The following ZNF423 variants were observed in gnomAD, a reference collection of about 807,000 sequenced individuals.
ZNF423 encodes the protein zinc finger protein 423.
Under a neutral mutation model 95.8 loss-of-function variants are expected in ZNF423, and 12 were observed. The observed-to-expected ratio is 0.13, with a 90% CI of 0.08 to 0.20. The LOEUF (loss-of-function observed/expected upper bound fraction) is 0.20. Among genes scored for constraint, ZNF423 ranks in the 10% least tolerant of loss-of-function variants. The pLI is 1.00. For synonymous variants in ZNF423, 749 were observed against 711.9 expected (o/e 1.05, Z -0.83); for missense variants, 1,316 against 1,737.1 (o/e 0.76, Z 4.31).
intron 1 of ZNF423, chr16:49,854,832 G>A: frequency 2.0e-6 from 2 of 985,398 alleles, no homozygotes; most frequent in Non-Finnish European, 1.2e-6. Flanking sequence ...AGGGATGGGT[G>A]TGTGTATCTA....
rs115096208 is a variant in ZNF423 at position 49,638,922 on chromosome 16, C to T, written c.302-48G>A. The T allele has an allele frequency of 4.4e-4, 677 of 1,543,822 alleles. 2 individuals carry two copies. In the African/African-American group the frequency reaches 7.4e-3, roughly 17 times the overall value. On this transcript the variant is annotated intron_variant, in intron 3 of 7. Transcript: ENST00000563137. The surrounding 1 kb of genome is among the most constrained non-coding windows in gnomAD (Gnocchi z 5.6). Reference sequence around the variant, plus strand: ...TATTAGAGGCAATTCCCAGGGCTGCCGAGAAACAAGGACAGAGCCAGCTTC... The same window carrying T: ...TATTAGAGGCAATTCCCAGGGCTGCTGAGAAACAAGGACAGAGCCAGCTTC...
intron 1 of ZNF423, among the ~76,000 whole-genome samples, chr16:49,838,596 C>G (rs1338893471): frequency 6.6e-6 from 1 of 152,086 alleles, no homozygotes; most frequent in African/African-American, 2.4e-5. Flanking sequence ...ATCTGGCTGG[C>G]GGGCCCGCAG....
At chr16:49,849,015 C>T (rs1229626181) in intron 1 of ZNF423, among the ~76,000 whole-genome samples, 1 of 152,154 alleles carries the variant, frequency 6.6e-6, no homozygotes, top group Non-Finnish European at 1.5e-5. Flanking sequence ...AAAATATCCA[C>T]CTGAACCATA....
At chr16:49,682,864 G>A (rs896698575) in intron 3 of ZNF423, among the ~76,000 whole-genome samples, 6 of 152,138 alleles carry the variant, frequency 3.9e-5, no homozygotes, top group East Asian at 3.9e-4. Flanking sequence ...GTGTATTGGC[G>A]GCTCTGAGTG....
At chr16:49,705,348 G>A (rs762987845) in intron 3 of ZNF423, among the ~76,000 whole-genome samples, 1 of 152,128 alleles carries the variant, frequency 6.6e-6, no homozygotes, top group Non-Finnish European at 1.5e-5. Context: ...GTATAAAGCC[G>A]ATTAAAAGGA....
chr16:49,774,085 C>T (rs575273950), intron 2 of ZNF423, among the ~76,000 whole-genome samples: 2 of 152,312 alleles, frequency 1.3e-5, no homozygotes, highest in South Asian at 2.1e-4. Context: ...GAGCTGTGGC[C>T]GTCCCTGATG....
At chr16:49,843,891 G>C (rs2035216861) in intron 1 of ZNF423, among the ~76,000 whole-genome samples, 1 of 151,986 alleles carries the variant, frequency 6.6e-6, no homozygotes, top group Admixed American at 6.6e-5. Flanking sequence ...GCTGATCCCT[G>C]GCCAGGATCG....
In ZNF423 at chr16:49,611,726, A is replaced by T. The variant is rs538672109; in HGVS notation, c.3601+14444T>A. Among the ~76,000 whole-genome samples the T allele has an allele frequency of 2.0e-5, 3 of 152,152 alleles. 1 individual carries two copies. The South Asian group carries it at 6.2e-4, about 32-fold the overall frequency. ...GGTGGTGTTTTAAAAGATTGATAAA[A>T]TTGACAATTCTTTTAAGAAAACTAA... On this transcript the variant is annotated intron_variant, in intron 5 of 7. Transcript: ENST00000563137.
intron 7 of ZNF423, among the ~76,000 whole-genome samples, chr16:49,515,924 G>C (rs1245857325): frequency 2.0e-5 from 3 of 152,180 alleles, no homozygotes; most frequent in African/African-American, 7.2e-5. Context: ...CTAACCGCTG[G>C]CATGGGGCCG....
rs560284349 is a variant in ZNF423, at chr16:49,560,551, T to A, written c.3602-35057A>T. On this transcript the variant is annotated intron_variant, in intron 5 of 7. Coordinates refer to ENST00000563137, the MANE Select transcript of ZNF423 (RefSeq NM_001379286.1). ...CAAAATCAAAAGGCTTACTGTCAAG[T>A]TTTCGATTGGTCTGGGCTTCGTGCT... 2.6e-5 allele frequency among the ~76,000 whole-genome samples: 4 copies of A among 152,262 alleles called. 1 individual carries two copies. The East Asian group carries it at 5.8e-4, about 22-fold the overall frequency.
intron 2 of ZNF423, among the ~76,000 whole-genome samples, chr16:49,775,464 T>C (rs2034105617): frequency 6.6e-6 from 1 of 152,176 alleles, no homozygotes; most frequent in Non-Finnish European, 1.5e-5. Context: ...CAGCCTTTCA[T>C]TAGTAATCAT....
chr16:49,782,612 C>G (rs1333161754), intron 2 of ZNF423, among the ~76,000 whole-genome samples: 1 of 152,180 alleles, frequency 6.6e-6, no homozygotes, highest in Non-Finnish European at 1.5e-5. Context: ...CCTAACCTGC[C>G]CAGGCATTCA....
chr16:49,509,453 C>T (rs909473927), intron 7 of ZNF423, among the ~76,000 whole-genome samples: 29 of 152,352 alleles, frequency 1.9e-4, no homozygotes, highest in Middle Eastern at 3.4e-3. Context: ...GCCATCTCCT[C>T]TTCCCCATGC....
intron 5 of ZNF423, among the ~76,000 whole-genome samples, chr16:49,553,877 C>T (rs1969730532): frequency 6.6e-6 from 1 of 152,174 alleles, no homozygotes; most frequent in African/African-American, 2.4e-5. Flanking sequence ...GTGAAAGATT[C>T]TCCATTAGAT....
chr16:49,841,257 C>G (rs75826005), intron 1 of ZNF423, among the ~76,000 whole-genome samples: 9,622 of 152,274 alleles, frequency 0.063, 382 homozygotes, highest in Middle Eastern at 0.14. Context: ...GTGGCAGCAG[C>G]AAGATCCTCC....
At chr16:49,778,668 G>A (rs1431687135) in intron 2 of ZNF423, among the ~76,000 whole-genome samples, 1 of 152,238 alleles carries the variant, frequency 6.6e-6, no homozygotes, top group African/African-American at 2.4e-5. Context: ...CCCAGGCACT[G>A]TGGCCATGCC....
In ZNF423 at chr16:49,637,112, G is replaced by A. The variant is rs767534444; in HGVS notation, c.2064C>T (p.His688=). The A allele has an allele frequency of 6.2e-7, 1 of 1,613,634 alleles. No homozygotes were observed. Among genetic ancestry groups the A allele is most frequent in the Admixed American group, 1.7e-5 (1 of 60,018 alleles). ...DFDSQESLLQ[H]LTVHYMTTST... ...ACGTGGTCATGTAATGCACTGTCAG[G>A]TGCTGCAGGAGGGACTCCTGGGAGT... The change falls in exon 4 of 8, where the codon CAC becomes CAT. Residue 688 remains histidine (H), a synonymous_variant. Coordinates refer to ENST00000563137, the MANE Select transcript of ZNF423 (RefSeq NM_001379286.1). This position sits in a 1 kb window ranked among gnomAD's most constrained non-coding sequence, Gnocchi z 5.6.
intron 3 of ZNF423, among the ~76,000 whole-genome samples, chr16:49,659,400 A>G (rs1046045094): frequency 3.9e-5 from 6 of 152,198 alleles, no homozygotes; most frequent in Non-Finnish European, 8.8e-5. Context: ...CCGTTTTACT[A>G]TTTAATGCAT....
At chr16:49,646,358 T>C (rs899479674) in intron 3 of ZNF423, among the ~76,000 whole-genome samples, 6 of 152,048 alleles carry the variant, frequency 3.9e-5, no homozygotes, top group African/African-American at 1.4e-4. Context: ...CCAGGGGTAC[T>C]TGCACACACC....
Sources: allele counts gnomAD v4.1 joint callset (sites outside exome capture counted in the v4.1 genomes callset), GRCh38; gene constraint gnomAD v4.1.1; non-coding constraint Gnocchi (gnomAD v3.1); transcripts MANE v1.5; gene names NCBI Gene and HGNC (gene_info 2026-07-23, HGNC 2026-07-21).